Variants in TOP6BL observed in about 807,000 individuals in gnomAD.
TOP6BL encodes TOP6B like initiator of meiotic double strand breaks.
At chr11:66,831,382 T>A in the TOP6BL span, among the ~76,000 whole-genome samples, 1 of 152,020 alleles carries the variant, frequency 6.6e-6, no homozygotes, top group Admixed American at 6.6e-5. Context: ...GATAAAAAAA[T>A]TGTAGTAGAT....
At chr11:66,753,605 A>G in the TOP6BL span, among the ~76,000 whole-genome samples, 1 of 150,280 alleles carries the variant, frequency 6.7e-6, no homozygotes, top group Non-Finnish European at 1.5e-5. Context: ...ACGGGTTTTC[A>G]CCGTGTTAGC....
the TOP6BL span, among the ~76,000 whole-genome samples, chr11:66,829,527 A>G: frequency 1.3e-5 from 2 of 151,950 alleles, no homozygotes; most frequent in African/African-American, 4.8e-5. Flanking sequence ...GTGAACCAAG[A>G]TCACACCACT....
chr11:66,804,704 G>A, the TOP6BL span, among the ~76,000 whole-genome samples: 144 of 152,274 alleles, frequency 9.5e-4, no homozygotes, highest in African/African-American at 3.3e-3. Flanking sequence ...TTGGCAGGCC[G>A]AGGTGGGCGG....
the TOP6BL span, among the ~76,000 whole-genome samples, chr11:66,795,738 T>C: frequency 6.6e-6 from 1 of 152,070 alleles, no homozygotes; most frequent in Non-Finnish European, 1.5e-5. Context: ...GTAATTTTTT[T>C]TTTTTACAGA....
At chr11:66,751,947 C>T in the TOP6BL span, among the ~76,000 whole-genome samples, 1 of 152,152 alleles carries the variant, frequency 6.6e-6, no homozygotes, top group Non-Finnish European at 1.5e-5. Context: ...TATTCCAGTA[C>T]ATCAGATAAT....
chr11:66,825,855 T>C, the TOP6BL span, among the ~76,000 whole-genome samples: 7 of 151,826 alleles, frequency 4.6e-5, no homozygotes, highest in African/African-American at 1.4e-4. Flanking sequence ...TTTTTTTTTT[T>C]CTCTGAGACA....
chr11:66,745,395 G>A, the TOP6BL span, among the ~76,000 whole-genome samples: 3 of 152,024 alleles, frequency 2.0e-5, no homozygotes, highest in Non-Finnish European at 4.4e-5. Flanking sequence ...TTTAGGCCCC[G>A]GTGCAGGTGC....
the TOP6BL span, among the ~76,000 whole-genome samples, chr11:66,768,645 G>A: frequency 1.3e-5 from 2 of 150,750 alleles, no homozygotes; most frequent in African/African-American, 2.4e-5. Context: ...ATCAAGACAC[G>A]CTAAAACAGA....
chr11:66,761,350 G>T, the TOP6BL span, among the ~76,000 whole-genome samples: 1 of 151,546 alleles, frequency 6.6e-6, no homozygotes, highest in Non-Finnish European at 1.5e-5. Context: ...CAGCCTGGGC[G>T]ACAGAGCGAG....
the TOP6BL span, chr11:66,843,211 C>T: frequency 9.9e-6 from 16 of 1,610,698 alleles, no homozygotes; most frequent in Non-Finnish European, 1.3e-5. Flanking sequence ...GTCAGAGTGG[C>T]TGAGTCCCAG....
chr11:66,836,692 A>C, the TOP6BL span, among the ~76,000 whole-genome samples: 1 of 111,946 alleles, frequency 8.9e-6, no homozygotes, highest in Non-Finnish European at 1.8e-5. Context: ...GTCACTACAG[A>C]AAATATGATT....
At chr11:66,777,103 ATATATC>A in the TOP6BL span, among the ~76,000 whole-genome samples, 766 of 150,166 alleles carry the variant, frequency 5.1e-3, 6 homozygotes, top group African/African-American at 0.016. Flanking sequence ...ATCTATATCT[ATATATC>A]TATATCTATA....
chr11:66,751,029 A>G, the TOP6BL span, among the ~76,000 whole-genome samples: 1 of 146,140 alleles, frequency 6.8e-6, no homozygotes, highest in African/African-American at 2.5e-5. Context: ...TTATTTATTA[A>G]TTTAGAGACA....
the TOP6BL span, among the ~76,000 whole-genome samples, chr11:66,746,935 ATG>A: frequency 6.6e-6 from 1 of 151,704 alleles, no homozygotes; most frequent in Non-Finnish European, 1.5e-5. Flanking sequence ...TCTCGAATAA[ATG>A]TGTTTTTTTT....
the TOP6BL span, chr11:66,804,048 T>G: frequency 6.2e-7 from 1 of 1,614,038 alleles, no homozygotes; most frequent in Non-Finnish European, 8.5e-7. Context: ...CACCCTGTGC[T>G]AGGACATCCA....
At chr11:66,839,088 T>C in the TOP6BL span, 12 of 455,790 alleles carry the variant, frequency 2.6e-5, no homozygotes, top group Non-Finnish European at 5.3e-5. Context: ...TGGGTTGTGA[T>C]TGCAATTATA....
At chr11:66,772,080 A>G in the TOP6BL span, among the ~76,000 whole-genome samples, 269 of 152,328 alleles carry the variant, frequency 1.8e-3, no homozygotes, top group Non-Finnish European at 3.0e-3. Context: ...ATCAACGTTA[A>G]CAGGAGTTTG....
chr11:66,800,046 C>G, the TOP6BL span, among the ~76,000 whole-genome samples: 1 of 144,684 alleles, frequency 6.9e-6, no homozygotes, highest in Non-Finnish European at 1.5e-5. Context: ...GGCTGGGCAA[C>G]AGAGCAAGAC....
At chr11:66,799,718 CAA>C in the TOP6BL span, among the ~76,000 whole-genome samples, 2 of 136,532 alleles carry the variant, frequency 1.5e-5, no homozygotes, top group Non-Finnish European at 1.6e-5. Flanking sequence ...AACTCCGTCT[CAA>C]AAAAAAAAAA....
Sources: gnomAD v4.1 joint callset for allele counts (sites outside exome capture counted in the v4.1 genomes callset) on GRCh38, gnomAD v4.1.1 for gene constraint, MANE v1.5 for transcripts, NCBI Gene and HGNC (gene_info 2026-07-23, HGNC 2026-07-21) for gene names.